MYO18A: variants seen among roughly 807,000 people sequenced by gnomAD.
MYO18A encodes unconventional myosin-XVIIIa.
Under a neutral mutation model 235.8 loss-of-function variants are expected in MYO18A, and 78 were observed. The observed-to-expected ratio is 0.33, with a 90% CI of 0.28 to 0.40. The LOEUF is 0.40. Among genes scored for constraint, MYO18A ranks in the 10% least tolerant of loss-of-function variants. The probability of loss-of-function intolerance (pLI) is 1.00; values close to 1 mark genes in which losing one functional copy is unlikely to be tolerated. For missense variants in MYO18A, 2,215 were observed against 2,699.3 expected (o/e 0.82, Z 3.98); for synonymous variants, 977 against 1,077.8 (o/e 0.91, Z 1.83).
chr17:29,082,473 A>G, intron 40 of MYO18A, 35 bp from the exon 41 acceptor site: 4 of 1,603,214 alleles, frequency 2.5e-6, no homozygotes, highest in Non-Finnish European at 3.4e-6. Context: ...TAGACAAGGC[A>G]TAGGCACCTG....
chr17:29,072,059 T>C lies in MYO18A; in HGVS notation c.*2711A>G, dbSNP rs2065889752. The C allele has an allele frequency of 6.6e-6, 1 of 152,176 alleles. No individual in the cohort carries two copies. The highest frequency in any genetic ancestry group is 1.5e-5 in the Non-Finnish European group (1 of 68,044). 9.4% of individuals were successfully genotyped at this position (152,176 alleles called of 1,614,324 possible). On this transcript the variant is annotated 3_prime_UTR_variant, in exon 42 of 42. Transcript: ENST00000527372. ...CCAGTTAACCAGAGGCTTGACTCAG[T>C]ATGAGTGAACAGATTTGGGAATTCA...
intron 2 of MYO18A, among the ~76,000 whole-genome samples, chr17:29,131,725 C>T (rs1211166150): frequency 6.6e-6 from 1 of 152,244 alleles, no homozygotes; most frequent in African/African-American, 2.4e-5. Flanking sequence ...CTAAAGAGGT[C>T]CACCCACAGT....
Position 29,140,581 on chromosome 17 carries a change from G to A in MYO18A, c.1000-18328C>T. On this transcript the variant is annotated intron_variant, in intron 2 of 41. Coordinates refer to ENST00000527372, the MANE Select transcript of MYO18A (RefSeq NM_078471.4). The surrounding 1 kb of genome is among the most constrained non-coding windows in gnomAD (Gnocchi z 4.2). Reference sequence around the variant, plus strand: ...AGTGTGTGTGGAAGGGAAGGAGAAGGCTCTTAGGGTAAAGCCATTGGGGTG... The same window carrying A: ...AGTGTGTGTGGAAGGGAAGGAGAAGACTCTTAGGGTAAAGCCATTGGGGTG... 1 of 332,250 alleles carries A rather than the reference G, an allele frequency of 3.0e-6. No individual in the cohort carries two copies. The highest frequency in any genetic ancestry group is 2.8e-5 in the South Asian group (1 of 35,656). 20.6% of individuals were successfully genotyped at this position (332,250 alleles called of 1,614,324 possible).
intron 2 of MYO18A, among the ~76,000 whole-genome samples, chr17:29,135,453 A>G (rs1350190094): frequency 6.6e-6 from 1 of 152,232 alleles, no homozygotes; most frequent in Non-Finnish European, 1.5e-5. Flanking sequence ...GTTAAAAATT[A>G]GGAAATGTTT....
intron 2 of MYO18A, among the ~76,000 whole-genome samples, chr17:29,162,921 T>A (rs2068204953): frequency 6.6e-6 from 1 of 152,200 alleles, no homozygotes; most frequent in Admixed American, 6.5e-5. Flanking sequence ...ACACGCCATG[T>A]GAGAGGGAAA....
At chr17:29,131,055 A>G (rs2152896151) in intron 2 of MYO18A, among the ~76,000 whole-genome samples, 1 of 152,324 alleles carries the variant, frequency 6.6e-6, no homozygotes, top group Non-Finnish European at 1.5e-5. Flanking sequence ...AGGGTTCAGG[A>G]AACCAGAACC....
rs1345094872 is a variant in MYO18A, at chr17:29,121,666, C to T, written c.1252G>A (p.Glu418Lys). The T allele has an allele frequency of 6.4e-7, 1 of 1,565,290 alleles. No homozygotes were observed. Among genetic ancestry groups the T allele is most frequent in the Non-Finnish European group, 8.7e-7 (1 of 1,154,990 alleles). Reference protein sequence around the residue: ...EDLASLVYLNESSVLHTLRQR... With the variant: ...EDLASLVYLNKSSVLHTLRQR... ...CGCAAGGTGTGCAGGACGCTGGACT[C>T]ATTGAGGTACACCAGTGAGGCCAGA... Residue 418 changes from glutamate (E) to lysine (K), a missense_variant, in exon 5 of 42, where the codon GAG becomes AAG. Glu to Lys is a moderately conservative substitution (Grantham distance 56). Coordinates refer to ENST00000527372, the MANE Select transcript of MYO18A (RefSeq NM_078471.4). The surrounding 1 kb of genome is among the most constrained non-coding windows in gnomAD (Gnocchi z 4.2).
In MYO18A at chr17:29,115,749, G is replaced by A; in HGVS notation, c.2142C>T (p.Phe714=). 1 of 1,599,658 alleles carries A rather than the reference G, an allele frequency of 6.3e-7. No homozygotes were observed. Among genetic ancestry groups the A allele is most frequent in the Non-Finnish European group, 8.5e-7 (1 of 1,173,152 alleles). Residue 714 remains phenylalanine (F), a synonymous_variant, in exon 12 of 42, where the codon TTC becomes TTT. Coordinates refer to ENST00000527372, the MANE Select transcript of MYO18A (RefSeq NM_078471.4). ...CSLEELSSAI[F]KHQHKGGTLQ... is the part of the protein sequence containing the mutation. ...GGGTGCCACCCTTGTGCTGGTGCTT[G>A]AAGATGGCTGAGGACAGCTCCTCCA... is the stretch of plus-strand genomic sequence containing the variant.
chr17:29,099,147 G>A (rs374628972), intron 22 of MYO18A, among the ~76,000 whole-genome samples, 178 bp from the exon 23 acceptor site: 2 of 152,180 alleles, frequency 1.3e-5, no homozygotes, highest in African/African-American at 2.4e-5. Flanking sequence ...CCCTCAAAGG[G>A]TGGGCAGCAC....
At position 29,117,687 on chromosome 17, in the gene MYO18A, T is replaced by A. The variant is rs987136976; in HGVS notation, c.2038+358A>T. On this transcript the variant is annotated intron_variant, in intron 10 of 41. Transcript: ENST00000527372. The surrounding 1 kb of genome is among the most constrained non-coding windows in gnomAD (Gnocchi z 4.6). ...ACCCAAGGGCGGGGCCAAGGTCAGT[T>A]ACCCGCTTGCTCCTCGGGGGCCTCT... 1.2e-4 allele frequency among the ~76,000 whole-genome samples: 18 copies of A among 152,110 alleles called. No individual in the cohort carries two copies. Among genetic ancestry groups the A allele is most frequent in the African/African-American group, 4.3e-4 (18 of 41,430 alleles).
At chr17:29,131,635 A>G (rs1401626593) in intron 2 of MYO18A, among the ~76,000 whole-genome samples, 1 of 152,252 alleles carries the variant, frequency 6.6e-6, no homozygotes, top group African/African-American at 2.4e-5. Context: ...TGATGACTTC[A>G]AGAATGAAGA....
At position 29,098,392 on chromosome 17, in the gene MYO18A, G is replaced by A. The variant is rs200970262; in HGVS notation, c.3834C>T (p.Asn1278=). Reference sequence around the variant, plus strand: ...GCCGGTCACTGTTGAGCCGCAGCTCGTTCCTCTCCTTCTCCGCCTTCTCGA... The same window carrying A: ...GCCGGTCACTGTTGAGCCGCAGCTCATTCCTCTCCTTCTCCGCCTTCTCGA... ...SKLEKAEKER[N]ELRLNSDRLE... is the part of the protein sequence containing the mutation. Residue 1278 remains asparagine (N), a synonymous_variant, in exon 24 of 42, where the codon AAC becomes AAT. Transcript: ENST00000527372. 6.5e-5 allele frequency: 105 copies of A among 1,613,954 alleles called. No individual in the cohort carries two copies. In the East Asian group the frequency reaches 1.1e-3, roughly 16 times the overall value.
chr17:29,163,709 G>A (rs140674919), intron 2 of MYO18A, among the ~76,000 whole-genome samples: 43 of 152,350 alleles, frequency 2.8e-4, no homozygotes, highest in African/African-American at 9.9e-4. Flanking sequence ...GTGCTATAAA[G>A]AGAAAACCAA....
chr17:29,178,761 G>A (rs2068587499), intron 1 of MYO18A, among the ~76,000 whole-genome samples: 1 of 152,138 alleles, frequency 6.6e-6, no homozygotes, highest in African/African-American at 2.4e-5. Flanking sequence ...ATTAGGCCAG[G>A]CCTGTTGCCA....
chr17:29,151,136 G>C (rs1251824591), intron 2 of MYO18A, among the ~76,000 whole-genome samples: 1 of 152,052 alleles, frequency 6.6e-6, no homozygotes, highest in Non-Finnish European at 1.5e-5. Flanking sequence ...ACTTGGGAGG[G>C]GGAGGTGGGA....
intron 36 of MYO18A, 114 bp from the exon 37 acceptor site, chr17:29,090,212 C>A: frequency 1.6e-6 from 2 of 1,233,506 alleles, no homozygotes; most frequent in African/African-American, 1.5e-5. Context: ...GGGAGGGATG[C>A]ACCTGGGAGG....
chr17:29,111,678 T>A lies in MYO18A; in HGVS notation c.2740+44A>T. The A allele has an allele frequency of 6.2e-7, 1 of 1,612,544 alleles. No homozygotes were observed. Among genetic ancestry groups the A allele is most frequent in the Non-Finnish European group, 8.5e-7 (1 of 1,179,206 alleles). Reference sequence around the variant, plus strand: ...GGAGTGCCACCTGGACCCACCTGTATGTAAGAGGAAGCAGAGGAGCTACCC... The same window carrying A: ...GGAGTGCCACCTGGACCCACCTGTAAGTAAGAGGAAGCAGAGGAGCTACCC... On this transcript the variant is annotated intron_variant, in intron 16 of 41. Coordinates refer to ENST00000527372, the MANE Select transcript of MYO18A (RefSeq NM_078471.4). The surrounding 1 kb of genome is among the most constrained non-coding windows in gnomAD (Gnocchi z 5.1).
intron 2 of MYO18A, chr17:29,128,957 C>A (rs2067393580): frequency 1.0e-6 from 1 of 990,102 alleles, no homozygotes. Flanking sequence ...AGAGATGGAG[C>A]ATGGACACAG....
intron 1 of MYO18A, among the ~76,000 whole-genome samples, chr17:29,174,835 A>G (rs879529447): frequency 1.3e-5 from 2 of 152,170 alleles, no homozygotes; most frequent in Non-Finnish European, 2.9e-5. Context: ...GCTAAATTAT[A>G]CAACTGAGCA....
Sources: allele counts gnomAD v4.1 joint callset (sites outside exome capture counted in the v4.1 genomes callset), GRCh38; gene constraint gnomAD v4.1.1; non-coding constraint Gnocchi (gnomAD v3.1); transcripts MANE v1.5; gene names NCBI Gene and HGNC (gene_info 2026-07-23, HGNC 2026-07-21).